HEATR5A: variants seen among roughly 807,000 people sequenced by gnomAD.
The protein encoded by HEATR5A is HEAT repeat containing 5A.
HEATR5A carries 178 observed loss-of-function variants against 218.8 expected under a neutral mutation model. The ratio of observed to expected loss-of-function variants is 0.81; its 90% CI spans 0.72 to 0.92. The LOEUF (loss-of-function observed/expected upper bound fraction) is 0.92, where lower values mean the gene tolerates loss of function less well. HEATR5A is among the 40% of genes least tolerant of loss of function. HEATR5A has a pLI of 0.00. For synonymous variants in HEATR5A, 864 were observed against 871.6 expected (o/e 0.99, Z 0.15); for missense variants, 2,420 against 2,418.9 (o/e 1.00, Z -0.01).
intron 14 of HEATR5A, among the ~76,000 whole-genome samples, chr14:31,362,412 A>G (rs1370237436): frequency 6.6e-6 from 1 of 151,938 alleles, no homozygotes; most frequent in Admixed American, 6.6e-5. Context: ...GTTAAAAAAA[A>G]AAAAGTAGAA....
intron 23 of HEATR5A, among the ~76,000 whole-genome samples, chr14:31,325,013 T>TAATTAAA (rs1900219202): frequency 2.0e-5 from 3 of 152,178 alleles, no homozygotes; most frequent in Admixed American, 6.5e-5. Context: ...CTTGGGCAAC[T>TAATTAAA]GAGTTGGGAG....
chr14:31,347,904 C>T lies in HEATR5A; in HGVS notation c.2712G>A (p.Leu904=). 1 of 1,485,810 alleles carries T rather than the reference C, an allele frequency of 6.7e-7. No homozygotes were observed. Among genetic ancestry groups the T allele is most frequent in the South Asian group, 1.4e-5 (1 of 71,762 alleles). 92.0% of individuals were successfully genotyped at this position (1,485,810 alleles called of 1,614,324 possible). A position where few individuals can be genotyped will look rare whatever the true frequency, so the allele number is the denominator to read the frequency against. ...TGGTAACCACATCCCTTGCTGATTT[C>T]AATCTGTAAATATAAAAATAAAAAT... is the stretch of plus-strand genomic sequence containing the variant. ...AGLAQVSFDK[L]KSARDVVTRT... The change falls in exon 19 of 36, where the codon TTG becomes TTA. Residue 904 remains leucine, a synonymous_variant. Coordinates refer to ENST00000543095, the MANE Select transcript of HEATR5A (RefSeq NM_015473.4).
intron 25 of HEATR5A, 111 bp downstream of exon 25, chr14:31,321,388 C>A: frequency 2.7e-6 from 2 of 737,816 alleles, no homozygotes; most frequent in Non-Finnish European, 4.2e-6. Context: ...GCTACCTACC[C>A]GCCTTGGCCT....
intron 16 of HEATR5A, among the ~76,000 whole-genome samples, chr14:31,353,845 G>A (rs1042471622): frequency 3.3e-5 from 5 of 151,862 alleles, no homozygotes; most frequent in African/African-American, 9.7e-5. Context: ...TGTCGCCCAG[G>A]CTGGAGTGCA....
At chr14:31,323,847 GATATAT>G in intron 23 of HEATR5A, 43 bp from the exon 24 acceptor site, 2 of 969,844 alleles carry the variant, frequency 2.1e-6, no homozygotes, top group African/African-American at 1.7e-5. Context: ...TCAACTGAAA[GATATAT>G]ATATATATAT....
rs114618935 is a variant in HEATR5A, at chr14:31,313,922, C to A, written c.4219-732G>T. On this transcript the variant is annotated intron_variant, in intron 27 of 35. Coordinates refer to ENST00000543095, the MANE Select transcript of HEATR5A (RefSeq NM_015473.4). Reference sequence around the variant, plus strand: ...GAGGTAACAGGCTTAAGCAAAAGCACAGAGATGTAGATTCAGTCTATTTTA... The same window carrying A: ...GAGGTAACAGGCTTAAGCAAAAGCAAAGAGATGTAGATTCAGTCTATTTTA... Among the ~76,000 whole-genome samples, 1,096 of 152,216 alleles carry A rather than the reference C, an allele frequency of 7.2e-3. 11 individuals carry two copies. The highest frequency in any genetic ancestry group is 0.025 in the African/African-American group (1,054 of 41,542).
intron 14 of HEATR5A, among the ~76,000 whole-genome samples, chr14:31,363,882 A>G (rs1367844820): frequency 6.6e-6 from 1 of 152,092 alleles, no homozygotes; most frequent in African/African-American, 2.4e-5. Context: ...CAGGAGGCTG[A>G]GGTTGGAGGG....
At position 31,302,290 on chromosome 14, in the gene HEATR5A, A is replaced by G. The variant is rs1198045255; in HGVS notation, c.5464+5T>C. Reference sequence around the variant, plus strand: ...ACTGAACTGCTTCCAAATAGCCTCAATTACCTGGATCCCAACAGTCAAGAA... The same window carrying G: ...ACTGAACTGCTTCCAAATAGCCTCAGTTACCTGGATCCCAACAGTCAAGAA... On this transcript the variant is annotated splice_donor_5th_base_variant and intron_variant, in intron 33 of 35. Transcript: ENST00000543095. 5.1e-5 allele frequency: 81 copies of G among 1,574,714 alleles called. No homozygotes were observed. Among genetic ancestry groups the G allele is most frequent in the Non-Finnish European group, 6.7e-5 (77 of 1,156,302 alleles).
At chr14:31,325,693 T>C (rs1489635156) in intron 23 of HEATR5A, among the ~76,000 whole-genome samples, 1 of 151,830 alleles carries the variant, frequency 6.6e-6, no homozygotes, top group Non-Finnish European at 1.5e-5. Context: ...AAAAATTTTT[T>C]TTTGTAGAGA....
At position 31,364,969 on chromosome 14, in the gene HEATR5A, A is replaced by C. The variant is rs1027401335; in HGVS notation, c.1962-671T>G. ...GGCTCACTGCAACCTCCGCCTCCCG[A>C]GTTTAAGCAATTCTTCTGCCTTAGC... is the stretch of plus-strand genomic sequence containing the variant. On this transcript the variant is annotated intron_variant, in intron 13 of 35. Coordinates refer to ENST00000543095, the MANE Select transcript of HEATR5A (RefSeq NM_015473.4). Among the ~76,000 whole-genome samples, 5 of 150,444 alleles carry C rather than the reference A, an allele frequency of 3.3e-5. No individual in the cohort carries two copies. In the South Asian group the frequency reaches 6.4e-4, roughly 19 times the overall value.
rs537416195 is a variant in HEATR5A, at chr14:31,315,869, C to T, written c.4119G>A (p.Ser1373=). ...CTTTTCCAGCCTGTATTTTAGTTAA[C>T]GATGAAACAAGCAACTGATGAACTC... ...LRRVHQLLVS[S]LTKIQAGKEA... Residue 1373 remains serine, a synonymous_variant, in exon 27 of 36, where the codon TCG becomes TCA. Coordinates refer to ENST00000543095, the MANE Select transcript of HEATR5A (RefSeq NM_015473.4). 1.4e-5 allele frequency: 23 copies of T among 1,605,988 alleles called. No homozygotes were observed. Among genetic ancestry groups the T allele is most frequent in the South Asian group, 7.8e-5 (7 of 89,574 alleles).
At chr14:31,312,917 A>G in intron 28 of HEATR5A, 51 bp downstream of exon 28, 1 of 1,414,220 alleles carries the variant, frequency 7.1e-7, no homozygotes, top group South Asian at 1.2e-5. Flanking sequence ...AAAAGAAAAG[A>G]AAATGTGTTA....
intron 12 of HEATR5A, among the ~76,000 whole-genome samples, chr14:31,372,783 T>C (rs1430781242): frequency 6.6e-6 from 1 of 152,108 alleles, no homozygotes; most frequent in Non-Finnish European, 1.5e-5. Context: ...GCCAAGATCA[T>C]GCCATTGCAC....
Position 31,302,479 on chromosome 14 carries a change from G to T in HEATR5A, c.5280C>A (p.Ile1760=). ...TCACAGCAGTCTCTCTGAGGACCCCGATTGTGAGGTACAATATAGTAGGGA... is the reference window on the plus strand; with the variant it reads ...TCACAGCAGTCTCTCTGAGGACCCCTATTGTGAGGTACAATATAGTAGGGA... ...SILPTILYLT[I]GVLRETAVKL... The change falls in exon 33 of 36, where the codon ATC becomes ATA. Residue 1760 remains isoleucine, a synonymous_variant. Coordinates refer to ENST00000543095, the MANE Select transcript of HEATR5A (RefSeq NM_015473.4). 6.3e-7 allele frequency: 1 copy of T among 1,590,064 alleles called. No individual in the cohort carries two copies. The highest frequency in any genetic ancestry group is 8.6e-7 in the Non-Finnish European group (1 of 1,167,050).
At chr14:31,306,309 G>A (rs1899554958) in intron 31 of HEATR5A, among the ~76,000 whole-genome samples, 3 of 152,008 alleles carry the variant, frequency 2.0e-5, no homozygotes, top group South Asian at 4.1e-4. Context: ...GCCACATCCC[G>A]TCTCTAATAA....
chr14:31,419,587 T>G (rs1020820644), intron 1 of HEATR5A, among the ~76,000 whole-genome samples: 1 of 152,196 alleles, frequency 6.6e-6, no homozygotes, highest in Admixed American at 6.5e-5. Flanking sequence ...CCCAAAAAAG[T>G]GCTGCATATT....
Position 31,293,333 on chromosome 14 carries a change from CTTGAG to C in HEATR5A, c.6108_6112del (p.Asn2036LysfsTer16), listed in dbSNP as rs1378905341. 2 of 1,592,548 alleles carry C rather than the reference CTTGAG, an allele frequency of 1.3e-6. No homozygotes were observed. Among genetic ancestry groups the C allele is most frequent in the Non-Finnish European group, 1.7e-6 (2 of 1,173,172 alleles). On this transcript the variant is annotated frameshift_variant, in exon 36 of 36. Coordinates refer to ENST00000543095, the MANE Select transcript of HEATR5A (RefSeq NM_015473.4). LOFTEE classifies it high-confidence loss of function. ...GAGGAAACTGGTCTTTAATTGGATGCTTGAGTTTTTTCCAGGACTCTTAGTATATT... is the reference window on the plus strand; with the variant it reads ...GAGGAAACTGGTCTTTAATTGGATGCTTTTTTCCAGGACTCTTAGTATATT...
At chr14:31,337,017 G>T (rs555462312) in intron 22 of HEATR5A, among the ~76,000 whole-genome samples, 5 of 152,250 alleles carry the variant, frequency 3.3e-5, no homozygotes, top group African/African-American at 1.2e-4. Flanking sequence ...TAACACAATG[G>T]TAAACATTTG....
chr14:31,383,803 C>T, intron 9 of HEATR5A, 32 bp from the exon 10 acceptor site: 1 of 1,587,114 alleles, frequency 6.3e-7, no homozygotes, highest in East Asian at 2.3e-5. Context: ...GACTTAGGTA[C>T]ATAGATAAAA....
Sources: gnomAD v4.1 joint callset for allele counts (sites outside exome capture counted in the v4.1 genomes callset) on GRCh38, gnomAD v4.1.1 for gene constraint, MANE v1.5 for transcripts, NCBI Gene and HGNC (gene_info 2026-07-23, HGNC 2026-07-21) for gene names.